Variants in SRD5A2 observed in about 807,000 individuals in gnomAD.
The protein encoded by SRD5A2 is 3-oxo-5-alpha-steroid 4-dehydrogenase 2.
A neutral mutation model predicts 27.4 loss-of-function variants in SRD5A2; 30 were observed. That is an observed-to-expected ratio of 1.10 (90% CI 0.82 to 1.49). The LOEUF (loss-of-function observed/expected upper bound fraction) is 1.49, where lower values mean the gene tolerates loss of function less well. SRD5A2 is among the 40% of genes most tolerant of loss of function. The probability of loss-of-function intolerance (pLI) is 0.00; values close to 1 mark genes in which losing one functional copy is unlikely to be tolerated. For synonymous variants in SRD5A2, 141 were observed against 133.6 expected (o/e 1.06, Z -0.38); for missense variants, 348 against 323.4 (o/e 1.08, Z -0.58).
the SRD5A2 span, among the ~76,000 whole-genome samples, chr2:31,649,803 C>G: frequency 6.6e-6 from 1 of 151,996 alleles, no homozygotes; most frequent in Non-Finnish European, 1.5e-5. Flanking sequence ...TAATATATAA[C>G]GGGTATTTTT....
the SRD5A2 span, among the ~76,000 whole-genome samples, chr2:31,635,234 AT>A: frequency 2.0e-3 from 305 of 152,174 alleles, 2 homozygotes; most frequent in African/African-American, 6.8e-3. Context: ...GATACAAGCC[AT>A]TTTAACTGGG....
upstream of SRD5A2, among the ~76,000 whole-genome samples, chr2:31,584,006 T>C (rs1667132977): frequency 6.6e-6 from 1 of 152,150 alleles, no homozygotes; most frequent in African/African-American, 2.4e-5. Context: ...TGAATACTTT[T>C]AGCAGGCTCT....
the SRD5A2 span, among the ~76,000 whole-genome samples, chr2:31,629,944 A>G: frequency 2.0e-5 from 3 of 152,064 alleles, no homozygotes; most frequent in Non-Finnish European, 4.4e-5. Context: ...AGGAAGCTCT[A>G]CACTGTGTCC....
the SRD5A2 span, among the ~76,000 whole-genome samples, chr2:31,606,150 G>C: frequency 6.6e-6 from 1 of 151,908 alleles, no homozygotes; most frequent in Non-Finnish European, 1.5e-5. Flanking sequence ...CAGAGGCTGG[G>C]AAGGGTAGTG....
the SRD5A2 span, among the ~76,000 whole-genome samples, chr2:31,596,982 T>C: frequency 6.6e-6 from 1 of 152,056 alleles, no homozygotes; most frequent in Non-Finnish European, 1.5e-5. Context: ...TTTCACAGAA[T>C]TTTTAAAAAA....
chr2:31,620,179 C>T, the SRD5A2 span, among the ~76,000 whole-genome samples: 21 of 152,052 alleles, frequency 1.4e-4, no homozygotes, highest in Non-Finnish European at 8.8e-5. Flanking sequence ...ATTGAAGGAA[C>T]ATACCTCAAA....
chr2:31,534,950 T>A (rs987816534), intron 1 of SRD5A2, among the ~76,000 whole-genome samples: 1 of 152,162 alleles, frequency 6.6e-6, no homozygotes, highest in African/African-American at 2.4e-5. Context: ...ATGCTTCCTA[T>A]GAAGAAGCAC....
At chr2:31,657,081 T>C in the SRD5A2 span, among the ~76,000 whole-genome samples, 1 of 152,212 alleles carries the variant, frequency 6.6e-6, no homozygotes, top group Non-Finnish European at 1.5e-5. Flanking sequence ...CTAAATATGG[T>C]ATAGTATCCT....
chr2:31,625,320 C>T, the SRD5A2 span, among the ~76,000 whole-genome samples: 2 of 152,304 alleles, frequency 1.3e-5, no homozygotes, highest in Admixed American at 6.5e-5. Flanking sequence ...TGCCTGTCCA[C>T]TCTGATGGTA....
the SRD5A2 span, among the ~76,000 whole-genome samples, chr2:31,638,099 G>A: frequency 6.6e-6 from 1 of 151,716 alleles, no homozygotes; most frequent in Non-Finnish European, 1.5e-5. Context: ...TGCTTTTTCT[G>A]TATCCCATAG....
At chr2:31,601,943 C>A in the SRD5A2 span, among the ~76,000 whole-genome samples, 1 of 151,996 alleles carries the variant, frequency 6.6e-6, no homozygotes, top group African/African-American at 2.4e-5. Context: ...AAATCCACAG[C>A]CAATATCATA....
chr2:31,634,232 T>A, the SRD5A2 span, among the ~76,000 whole-genome samples: 8 of 152,158 alleles, frequency 5.3e-5, no homozygotes, highest in South Asian at 2.1e-4. Context: ...TTGACAGACT[T>A]TTTAACAGAC....
chr2:31,615,171 C>T, the SRD5A2 span, among the ~76,000 whole-genome samples: 1 of 152,128 alleles, frequency 6.6e-6, no homozygotes, highest in Non-Finnish European at 1.5e-5. Flanking sequence ...CAGACTAATA[C>T]AGTAAATTGG....
At chr2:31,588,883 T>C in the SRD5A2 span, among the ~76,000 whole-genome samples, 1 of 152,188 alleles carries the variant, frequency 6.6e-6, no homozygotes, top group African/African-American at 2.4e-5. Flanking sequence ...AACATGCAGC[T>C]CCTGCTTGGA....
the SRD5A2 span, among the ~76,000 whole-genome samples, chr2:31,628,108 A>G: frequency 0.01 from 1,581 of 152,174 alleles, 18 homozygotes; most frequent in Middle Eastern, 0.051. Context: ...GGATGTCTTA[A>G]TCTTTTTGAG....
At chr2:31,538,761 C>T (rs1162709919) in intron 1 of SRD5A2, among the ~76,000 whole-genome samples, 2 of 152,236 alleles carry the variant, frequency 1.3e-5, no homozygotes, top group African/African-American at 4.8e-5. Flanking sequence ...GCCTCCAGCA[C>T]TCACTAGCCT....
At chr2:31,544,731 A>G (rs915979207) in intron 1 of SRD5A2, among the ~76,000 whole-genome samples, 1 of 151,920 alleles carries the variant, frequency 6.6e-6, no homozygotes, top group Non-Finnish European at 1.5e-5. Context: ...CAAGAATAGA[A>G]AAACAAGGGT....
At chr2:31,572,743 G>A (rs1370296607) in intron 1 of SRD5A2, among the ~76,000 whole-genome samples, 2 of 152,188 alleles carry the variant, frequency 1.3e-5, no homozygotes, top group Non-Finnish European at 2.9e-5. Context: ...CAAGAGGGCA[G>A]GCAGAGAGGC....
At chr2:31,657,996 A>AC in the SRD5A2 span, among the ~76,000 whole-genome samples, 1 of 152,206 alleles carries the variant, frequency 6.6e-6, no homozygotes, top group Non-Finnish European at 1.5e-5. Context: ...TGGAAACAAA[A>AC]CCCTGACTAT....
Sources: allele counts gnomAD v4.1 joint callset (sites outside exome capture counted in the v4.1 genomes callset), GRCh38; gene constraint gnomAD v4.1.1; transcripts MANE v1.5; gene names NCBI Gene and HGNC (gene_info 2026-07-23, HGNC 2026-07-21).